Variants in IRAG1 observed in about 807,000 individuals in gnomAD.
The protein encoded by IRAG1 is inositol 1,4,5-triphosphate receptor associated 1.
A neutral mutation model predicts 106.2 loss-of-function variants in IRAG1; 62 were observed. That is an observed-to-expected ratio of 0.58 (90% CI 0.48 to 0.72). The LOEUF is 0.72. Ranked by LOEUF, IRAG1 falls within the 30% of genes least tolerant of loss-of-function variation. The pLI is 0.00. For synonymous variants in IRAG1, 462 were observed against 443.9 expected, an observed-to-expected ratio of 1.04 and a Z score of -0.51; for missense variants, 1,064 against 1,140.7, an observed-to-expected ratio of 0.93 and a Z score of 0.97.
At position 10,635,831 on chromosome 11, in the gene IRAG1, A is replaced by G. The variant is rs550656097; in HGVS notation, c.226-1760T>C. Among the ~76,000 whole-genome samples, 41 of 152,262 alleles carry G rather than the reference A, an allele frequency of 2.7e-4. No individual in the cohort carries two copies. In the South Asian group the frequency reaches 8.1e-3, roughly 30 times the overall value. ...AGCACCATGCTGCTTCTCTTGTGGAAAGGATGCTTTTATGTGGAAACCCAG... is the reference window on the plus strand; with the variant it reads ...AGCACCATGCTGCTTCTCTTGTGGAGAGGATGCTTTTATGTGGAAACCCAG... On this transcript the variant is annotated intron_variant, in intron 2 of 20. Coordinates refer to ENST00000423302, the MANE Select transcript of IRAG1 (RefSeq NM_130385.4).
intron 1 of IRAG1, among the ~76,000 whole-genome samples, chr11:10,658,180 A>G (rs1859077386): frequency 6.6e-6 from 1 of 152,210 alleles, no homozygotes; most frequent in South Asian, 2.1e-4. Context: ...GGCCAACTGC[A>G]GAGCTGGGTT....
chr11:10,634,086 CA>C lies in IRAG1; in HGVS notation c.226-16del. On this transcript the variant is annotated splice_polypyrimidine_tract_variant and intron_variant, in intron 2 of 20. Transcript: ENST00000423302. ...GCAGGAGGACCCTGCCGGTTTAGAA[CA>C]AAAACACAGAGTTAGGCTTGGGCTG... 3.2e-6 allele frequency: 5 copies of C among 1,550,962 alleles called. No individual in the cohort carries two copies. Among genetic ancestry groups the C allele is most frequent in the Non-Finnish European group, 3.5e-6 (4 of 1,131,516 alleles).
chr11:10,627,654 G>A, intron 8 of IRAG1, 62 bp downstream of exon 8: 1 of 1,587,036 alleles, frequency 6.3e-7, no homozygotes, highest in East Asian at 2.2e-5. Context: ...GCCAGCCTAG[G>A]CTTCTAGGAG....
chr11:10,664,054 G>A (rs1859598324), intron 1 of IRAG1, among the ~76,000 whole-genome samples: 1 of 152,142 alleles, frequency 6.6e-6, no homozygotes. Flanking sequence ...AAGGGTATTA[G>A]GAGATGTTTT....
At chr11:10,594,474 C>T (rs892699788) in intron 15 of IRAG1, among the ~76,000 whole-genome samples, 23 of 152,144 alleles carry the variant, frequency 1.5e-4, no homozygotes, top group East Asian at 1.9e-4. Context: ...CCACTAAACA[C>T]GCTCTGCATA....
rs974351317 is a variant in IRAG1, at chr11:10,604,297, T to G, written c.1743+108A>C. The G allele has an allele frequency of 2.1e-6, 3 of 1,397,504 alleles. No homozygotes were observed. The African/African-American group carries it at 4.3e-5, about 20-fold the overall frequency. 86.6% of individuals were successfully genotyped at this position (1,397,504 alleles called of 1,614,324 possible). On this transcript the variant is annotated intron_variant, in intron 13 of 20. Transcript: ENST00000423302. The stretch of plus-strand genomic sequence containing the variant: ...CACTGTCAGAGTCTTGGCTCAATTT[T>G]TCACTTCAGGAGACTATACTTGGTA...
intron 18 of IRAG1, among the ~76,000 whole-genome samples, chr11:10,586,743 G>A (rs1318461909): frequency 3.3e-5 from 5 of 152,016 alleles, no homozygotes; most frequent in African/African-American, 9.7e-5. Context: ...TGCTGCCACC[G>A]CACCTCTGTG....
chr11:10,575,969 GC>G lies in IRAG1; in HGVS notation c.*362del, dbSNP rs915229339. On this transcript the variant is annotated 3_prime_UTR_variant, in exon 21 of 21. Transcript: ENST00000423302. Reference sequence around the variant, plus strand: ...GAAAAAAGAGAGTAAGTTTTTTACTGCCCCCTACCTCCTCCTCCCCCGTGCC... The same window carrying G: ...GAAAAAAGAGAGTAAGTTTTTTACTGCCCCTACCTCCTCCTCCCCCGTGCC... The G allele has an allele frequency of 6.0e-5, 14 of 234,096 alleles. No individual in the cohort carries two copies. Among genetic ancestry groups the G allele is most frequent in the Non-Finnish European group, 1.1e-4 (13 of 116,532 alleles). 14.5% of individuals were successfully genotyped at this position (234,096 alleles called of 1,614,324 possible).
intron 1 of IRAG1, 42 bp from the exon 2 acceptor site, chr11:10,652,224 C>T: frequency 6.2e-7 from 1 of 1,606,508 alleles, no homozygotes; most frequent in Non-Finnish European, 8.5e-7. Flanking sequence ...CATTCCCATC[C>T]CTGTCCCAAG....
At chr11:10,620,851 C>CG (rs1855782898) in intron 10 of IRAG1, among the ~76,000 whole-genome samples, 1 of 152,100 alleles carries the variant, frequency 6.6e-6, no homozygotes, top group Admixed American at 6.5e-5. Context: ...GAACAACTAA[C>CG]GGTCCATAAT....
chr11:10,583,747 G>GA (rs1851634685), intron 18 of IRAG1, among the ~76,000 whole-genome samples: 1 of 152,138 alleles, frequency 6.6e-6, no homozygotes, highest in Non-Finnish European at 1.5e-5. Flanking sequence ...AGGAAATAGG[G>GA]ACAGACCTTG....
At position 10,576,575 on chromosome 11, in the gene IRAG1, G is replaced by A; in HGVS notation, c.2496C>T (p.Ser832=). 3 of 1,613,898 alleles carry A rather than the reference G, an allele frequency of 1.9e-6. No individual in the cohort carries two copies. Among genetic ancestry groups the A allele is most frequent in the Non-Finnish European group, 2.5e-6 (3 of 1,179,846 alleles). Residue 832 remains serine (S), a splice_region_variant and synonymous_variant, in exon 21 of 21, where the codon AGC becomes AGT. Coordinates refer to ENST00000423302, the MANE Select transcript of IRAG1 (RefSeq NM_130385.4). ...AGAAATGGACCAATTCTTCAAGTTT[G>A]CTGTCAATGAAAAAAAATATGCAGA... The part of the protein sequence containing the change: ...TEEEEKGPRS[S]KLEELVHFLQ...
chr11:10,652,067 C>T lies in IRAG1; in HGVS notation c.183G>A (p.Glu61=). The T allele has an allele frequency of 6.3e-7, 1 of 1,596,380 alleles. No homozygotes were observed. The highest frequency in any genetic ancestry group is 8.5e-7 in the Non-Finnish European group (1 of 1,172,212). ...GGGCTGCCTGTGGCTCTCCGGGGGG[C>T]TCCTCGTCCTCGGGAATGTGGGGCA... ...AAMPHIPEDE[E]PPGEPQAAQS... is the part of the protein sequence containing the mutation. Residue 61 remains glutamate (E), a synonymous_variant, in exon 2 of 21, where the codon GAG becomes GAA. Coordinates refer to ENST00000423302, the MANE Select transcript of IRAG1 (RefSeq NM_130385.4).
At chr11:10,597,699 C>A (rs536634754) in intron 15 of IRAG1, among the ~76,000 whole-genome samples, 1 of 152,220 alleles carries the variant, frequency 6.6e-6, no homozygotes, top group Admixed American at 6.5e-5. Flanking sequence ...ATTGTCAGAT[C>A]ATTTTATTTT....
chr11:10,648,800 CGT>C (rs141233602), intron 2 of IRAG1, among the ~76,000 whole-genome samples: 3,299 of 152,078 alleles, frequency 0.022, 116 homozygotes, highest in African/African-American at 0.076. Flanking sequence ...TGTGTATCTG[CGT>C]GTGTGTCTGT....
chr11:10,628,057 C>T lies in IRAG1; in HGVS notation c.653-32G>A, dbSNP rs756998871. The stretch of plus-strand genomic sequence containing the variant: ...GGGTCCAGACACTAGTGAGTGAGGC[C>T]CAGCAGCCCAGGCCCTCAGCTGTGC... On this transcript the variant is annotated intron_variant, in intron 6 of 20. Transcript: ENST00000423302. The surrounding 1 kb of genome is among the most constrained non-coding windows in gnomAD (Gnocchi z 4.1). 24 of 1,611,826 alleles carry T rather than the reference C, an allele frequency of 1.5e-5. No individual in the cohort carries two copies. Among genetic ancestry groups the T allele is most frequent in the Non-Finnish European group, 2.0e-5 (23 of 1,178,628 alleles).
intron 1 of IRAG1, among the ~76,000 whole-genome samples, chr11:10,691,112 G>A (rs1862021684): frequency 1.3e-5 from 2 of 151,924 alleles, no homozygotes; most frequent in Non-Finnish European, 2.9e-5. Flanking sequence ...GTAACTTCAG[G>A]CCCCCACCTT....
rs1859211208 is a variant in IRAG1 at position 10,659,277 on chromosome 11, G to T, written c.68-7095C>A. ...AAGTGGGTAAGTGAGTGACTGAAGG[G>T]GGTACAGCCACCCCCCAGTGTGTGG... On this transcript the variant is annotated intron_variant, in intron 1 of 20. Transcript: ENST00000423302. This position sits in a 1 kb window ranked among gnomAD's most constrained non-coding sequence, Gnocchi z 4.1. Among the ~76,000 whole-genome samples the T allele has an allele frequency of 6.6e-6, 1 of 152,192 alleles. No homozygotes were observed. Among genetic ancestry groups the T allele is most frequent in the African/African-American group, 2.4e-5 (1 of 41,438 alleles).
chr11:10,678,106 T>C (rs80059795), intron 1 of IRAG1, among the ~76,000 whole-genome samples: 2,021 of 152,342 alleles, frequency 0.013, 46 homozygotes, highest in African/African-American at 0.046. Context: ...TGTTTCCTCC[T>C]TTTGGCTATT....
Sources: allele counts gnomAD v4.1 joint callset (sites outside exome capture counted in the v4.1 genomes callset), GRCh38; gene constraint gnomAD v4.1.1; non-coding constraint Gnocchi (gnomAD v3.1); transcripts MANE v1.5; gene names NCBI Gene and HGNC (gene_info 2026-07-23, HGNC 2026-07-21).